Variants in HECW2 observed in about 807,000 individuals in gnomAD.
HECW2 encodes the protein HECT, C2 and WW domain containing E3 ubiquitin protein ligase 2.
A neutral mutation model predicts 175.2 loss-of-function variants in HECW2; 61 were observed. That is an observed-to-expected ratio of 0.35 (90% CI 0.28 to 0.43). HECW2 has a LOEUF of 0.43. Among genes scored for constraint, HECW2 ranks in the 20% least tolerant of loss-of-function variants. The pLI is 1.00. For missense variants in HECW2, 1,524 were observed against 2,000.5 expected (o/e 0.76, Z 4.54); for synonymous variants, 671 against 731.0 (o/e 0.92, Z 1.32).
chr2:196,394,483 A>T (rs1027541526), intron 2 of HECW2, among the ~76,000 whole-genome samples: 33 of 152,182 alleles, frequency 2.2e-4, no homozygotes, highest in Non-Finnish European at 3.2e-4. Context: ...TTTGCCTGAA[A>T]TTGGAGCTGG....
At chr2:196,457,601 G>C (rs1367141134) in intron 1 of HECW2, among the ~76,000 whole-genome samples, 1 of 152,174 alleles carries the variant, frequency 6.6e-6, no homozygotes, top group African/African-American at 2.4e-5. Flanking sequence ...TCACAGTACT[G>C]TGCTATTCCT....
intron 1 of HECW2, among the ~76,000 whole-genome samples, chr2:196,504,721 G>A (rs761442545): frequency 6.6e-6 from 1 of 152,158 alleles, no homozygotes; most frequent in Admixed American, 6.5e-5. Flanking sequence ...GAGTTCTTTG[G>A]GACAGAGAGT....
intron 3 of HECW2, among the ~76,000 whole-genome samples, chr2:196,341,217 G>T (rs985207279): frequency 6.6e-6 from 1 of 151,054 alleles, no homozygotes; most frequent in African/African-American, 2.5e-5. Context: ...CATGAGCCTT[G>T]TAATATCAAT....
At chr2:196,414,889 T>G (rs1695212000) in intron 2 of HECW2, among the ~76,000 whole-genome samples, 1 of 152,166 alleles carries the variant, frequency 6.6e-6, no homozygotes. Context: ...TCTTCAGGTG[T>G]GGGTCGGATA....
At chr2:196,360,305 T>C (rs1015110153) in intron 2 of HECW2, among the ~76,000 whole-genome samples, 3 of 152,196 alleles carry the variant, frequency 2.0e-5, no homozygotes, top group Middle Eastern at 3.4e-3. Context: ...TAAATGCCCA[T>C]CAATGACAAA....
rs187255364 is a variant in HECW2, at chr2:196,292,929, G to T, written c.2815-179C>A. On this transcript the variant is annotated intron_variant, in intron 13 of 28. Transcript: ENST00000644978. ...CAGAGCAAAATATCTTGAACAAAAT[G>T]AAACATAAAGACTACAGAAGGTAAG... Among the ~76,000 whole-genome samples the T allele has an allele frequency of 6.4e-4, 98 of 152,286 alleles. 1 individual carries two copies. The highest frequency in any genetic ancestry group is 1.1e-3 in the Non-Finnish European group (73 of 68,006).
intron 20 of HECW2, among the ~76,000 whole-genome samples, chr2:196,241,495 G>A (rs996741095): frequency 5.3e-5 from 8 of 152,172 alleles, no homozygotes; most frequent in Admixed American, 5.2e-4. Context: ...GTGGCAGACT[G>A]ATCTCCAGTG....
At chr2:196,316,485 T>C (rs1428606523) in intron 10 of HECW2, 1 of 152,238 alleles carries the variant, frequency 6.6e-6, no homozygotes, top group African/African-American at 2.4e-5. Context: ...CAAAAGGGTA[T>C]ACCTTCCAGT....
At chr2:196,576,328 C>T (rs1690561021) in intron 1 of HECW2, among the ~76,000 whole-genome samples, 1 of 152,008 alleles carries the variant, frequency 6.6e-6, no homozygotes, top group Admixed American at 6.5e-5. Context: ...AAATTATCCC[C>T]ATCATTAAGT....
rs1455194828 is a variant in HECW2 at position 196,306,358 on chromosome 2, C to A, written c.2814+130G>T. ...ACCGGTTAAAGTGTACAGTGCTCAA[C>A]ACAAAGCTTGGAACACACTAAGTGC... On this transcript the variant is annotated intron_variant, in intron 13 of 28. Coordinates refer to ENST00000644978, the MANE Select transcript of HECW2 (RefSeq NM_001348768.2). 6 of 973,768 alleles carry A rather than the reference C, an allele frequency of 6.2e-6. No homozygotes were observed. In the East Asian group the frequency reaches 1.4e-4, roughly 22 times the overall value. 60.3% of individuals were successfully genotyped at this position (973,768 alleles called of 1,614,324 possible).
At chr2:196,394,492 G>C (rs751887585) in intron 2 of HECW2, among the ~76,000 whole-genome samples, 1 of 152,064 alleles carries the variant, frequency 6.6e-6, no homozygotes, top group Non-Finnish European at 1.5e-5. Flanking sequence ...AATTGGAGCT[G>C]GTGTAATTTT....
At chr2:196,404,313 A>G (rs973619918) in intron 2 of HECW2, among the ~76,000 whole-genome samples, 1 of 152,192 alleles carries the variant, frequency 6.6e-6, no homozygotes, top group Non-Finnish European at 1.5e-5. Context: ...AGCATTAGTC[A>G]TGCCTCTCTC....
intron 28 of HECW2, among the ~76,000 whole-genome samples, chr2:196,204,835 G>T (rs971415809): frequency 3.9e-5 from 6 of 152,194 alleles, no homozygotes; most frequent in Non-Finnish European, 8.8e-5. Context: ...CAAAGCTAGG[G>T]GTTGGCAACA....
intron 2 of HECW2, among the ~76,000 whole-genome samples, chr2:196,394,148 G>A (rs949782601): frequency 6.6e-6 from 1 of 151,818 alleles, no homozygotes; most frequent in Non-Finnish European, 1.5e-5. Context: ...GGCCTGTCCG[G>A]GGGTGAGGGG....
At chr2:196,398,466 A>G (rs1694732340) in intron 2 of HECW2, among the ~76,000 whole-genome samples, 1 of 152,210 alleles carries the variant, frequency 6.6e-6, no homozygotes. Context: ...GCTGGTGGAA[A>G]ACATAAGCAG....
intron 1 of HECW2, among the ~76,000 whole-genome samples, chr2:196,513,041 C>T (rs7602752): frequency 0.14 from 20,892 of 152,030 alleles, 1,508 homozygotes; most frequent in Middle Eastern, 0.24. Context: ...ACCAAGAAAA[C>T]AAAAAACTAT....
chr2:196,309,173 C>G (rs982023061), intron 10 of HECW2, among the ~76,000 whole-genome samples: 4 of 152,182 alleles, frequency 2.6e-5, no homozygotes, highest in Non-Finnish European at 5.9e-5. Flanking sequence ...AGTATCCCAA[C>G]AGAGTCCTTA....
chr2:196,397,001 T>C (rs1202554914), intron 2 of HECW2, among the ~76,000 whole-genome samples: 2 of 152,038 alleles, frequency 1.3e-5, no homozygotes, highest in Non-Finnish European at 2.9e-5. Flanking sequence ...TAGTCCCACC[T>C]ACTCGGGAAG....
chr2:196,257,409 A>G (rs1342914360), intron 18 of HECW2, among the ~76,000 whole-genome samples: 3 of 144,992 alleles, frequency 2.1e-5, no homozygotes. Flanking sequence ...AAGGTAAATA[A>G]ATAATGCCTT....
Sources: allele counts gnomAD v4.1 joint callset (sites outside exome capture counted in the v4.1 genomes callset), GRCh38; gene constraint gnomAD v4.1.1; transcripts MANE v1.5; gene names NCBI Gene and HGNC (gene_info 2026-07-23, HGNC 2026-07-21).